Variants in KYNU observed in about 807,000 individuals in gnomAD.
The protein encoded by KYNU is kynureninase.
KYNU carries 54 observed loss-of-function variants against 59.2 expected under a neutral mutation model. The ratio of observed to expected loss-of-function variants is 0.91; its 90% CI spans 0.73 to 1.14. The LOEUF (loss-of-function observed/expected upper bound fraction) is 1.14, where lower values mean the gene tolerates loss of function less well. Ranked by LOEUF, KYNU falls within the 50% of genes most tolerant of loss-of-function variation. The pLI is 0.00. For missense variants in KYNU, 567 were observed against 554.4 expected, an observed-to-expected ratio of 1.02 and a Z score of -0.23; for synonymous variants, 177 against 192.0, an observed-to-expected ratio of 0.92 and a Z score of 0.65.
intron 10 of KYNU, among the ~76,000 whole-genome samples, chr2:142,995,973 C>G (rs944713905): frequency 2.0e-5 from 3 of 152,042 alleles, no homozygotes; most frequent in African/African-American, 7.2e-5. Context: ...TTTCTGAACT[C>G]AAATATCTGC....
chr2:142,901,047 C>A (rs1301113733), intron 2 of KYNU, among the ~76,000 whole-genome samples: 1 of 124,054 alleles, frequency 8.1e-6, no homozygotes, highest in Non-Finnish European at 1.7e-5. Context: ...AGCGAGACTC[C>A]ATCTCAAAAA....
At chr2:142,988,806 C>A in intron 10 of KYNU, 1 of 1,418,452 alleles carries the variant, frequency 7.0e-7, no homozygotes, top group African/African-American at 1.4e-5. Context: ...GCTCTCTATT[C>A]TGTACCAAGT....
chr2:142,946,767 G>C (rs926696821), intron 4 of KYNU, among the ~76,000 whole-genome samples: 5 of 152,132 alleles, frequency 3.3e-5, no homozygotes, highest in Non-Finnish European at 4.4e-5. Context: ...ATAAGATTCT[G>C]CCTGTCCCTT....
At chr2:142,961,626 AT>A (rs1181456882) in intron 8 of KYNU, among the ~76,000 whole-genome samples, 7 of 152,260 alleles carry the variant, frequency 4.6e-5, no homozygotes, top group South Asian at 2.1e-4. Flanking sequence ...ACTCTTGAAA[AT>A]TTTTTATACT....
chr2:142,953,897 A>G (rs1420523505), intron 4 of KYNU: 4 of 152,166 alleles, frequency 2.6e-5, no homozygotes, highest in African/African-American at 9.7e-5. Flanking sequence ...GAATCTGTCA[A>G]TTAGATTTAT....
intron 4 of KYNU, among the ~76,000 whole-genome samples, chr2:142,944,726 A>G (rs1274052119): frequency 6.6e-6 from 1 of 152,244 alleles, no homozygotes; most frequent in African/African-American, 2.4e-5. Context: ...TTAGGACAAT[A>G]TTGGTTTCAG....
intron 8 of KYNU, among the ~76,000 whole-genome samples, chr2:142,962,942 AAAG>A (rs1684397809): frequency 6.6e-6 from 1 of 152,186 alleles, no homozygotes; most frequent in African/African-American, 2.4e-5. Context: ...GTCAATCAAG[AAAG>A]AGATAGGAAA....
intron 4 of KYNU, 135 bp downstream of exon 4, chr2:142,927,876 G>T: frequency 1.6e-6 from 1 of 643,758 alleles, no homozygotes. Context: ...ATAGTAAAAA[G>T]GAAGTACACT....
At chr2:143,033,154 T>C in intron 11 of KYNU, 82 bp from the exon 12 acceptor site, 1 of 961,708 alleles carries the variant, frequency 1.0e-6, no homozygotes, top group South Asian at 1.3e-5. Flanking sequence ...AGTCTTGCTC[T>C]TTTACTCTCC....
At chr2:142,971,050 T>C (rs912887575) in intron 8 of KYNU, 2 of 152,186 alleles carry the variant, frequency 1.3e-5, no homozygotes, top group African/African-American at 4.8e-5. Flanking sequence ...ACATGGTGTA[T>C]TTTTAAAATG....
At chr2:142,954,729 G>A in intron 4 of KYNU, 81 bp from the exon 5 acceptor site, 1 of 875,988 alleles carries the variant, frequency 1.1e-6, no homozygotes, top group Non-Finnish European at 2.0e-6. Context: ...AAGAATGATT[G>A]AGTGAAGTCT....
At chr2:143,011,009 C>T (rs1032989120) in intron 10 of KYNU, among the ~76,000 whole-genome samples, 3 of 145,112 alleles carry the variant, frequency 2.1e-5, no homozygotes, top group African/African-American at 5.2e-5. Flanking sequence ...TGGGCAAGGA[C>T]TTCATGTGCA....
chr2:143,021,104 G>A lies in KYNU; in HGVS notation c.903-8523G>A, dbSNP rs185453103. ...TTTCTTTTCTGTAAAAGGTCTATTCGTATCCTTTGGCCATTTTTCTTAGAT... is the reference window on the plus strand; with the variant it reads ...TTTCTTTTCTGTAAAAGGTCTATTCATATCCTTTGGCCATTTTTCTTAGAT... On this transcript the variant is annotated intron_variant, in intron 10 of 13. Coordinates refer to ENST00000264170, the MANE Select transcript of KYNU (RefSeq NM_003937.3). 1.2e-3 allele frequency among the ~76,000 whole-genome samples: 184 copies of A among 151,894 alleles called. 1 individual carries two copies. Among genetic ancestry groups the A allele is most frequent in the Admixed American group, 1.7e-3 (26 of 15,268 alleles).
chr2:142,943,348 AAAG>A (rs947494386), intron 4 of KYNU, among the ~76,000 whole-genome samples: 1 of 152,222 alleles, frequency 6.6e-6, no homozygotes, highest in African/African-American at 2.4e-5. Flanking sequence ...AAAATTTTAA[AAAG>A]AAGTTACCAG....
chr2:142,881,909 C>CTTTTTTTTTTTTTTTTTTTTTTTTTTT (rs1222437103), intron 1 of KYNU, among the ~76,000 whole-genome samples: 1 of 124,668 alleles, frequency 8.0e-6, no homozygotes. Context: ...CTTTTCTTTT[C>CTTTTTTTTTTTTTTTTTTTTTTTTTTT]TTTTTTCTTT....
rs1258582643 is a variant in KYNU, at chr2:142,942,462, A to C, written c.374-12348A>C. On this transcript the variant is annotated intron_variant, in intron 4 of 13. Transcript: ENST00000264170. Reference sequence around the variant, plus strand: ...CCCTCTTTGGAAGTAAGTGTGGTTTAAATGATGAAATAATTAAAATAATTT... The same window carrying C: ...CCCTCTTTGGAAGTAAGTGTGGTTTCAATGATGAAATAATTAAAATAATTT... Among the ~76,000 whole-genome samples the C allele has an allele frequency of 3.3e-5, 5 of 152,342 alleles. No individual in the cohort carries two copies. The East Asian group carries it at 9.6e-4, about 29-fold the overall frequency.
chr2:143,014,961 A>G (rs916834941), intron 10 of KYNU, among the ~76,000 whole-genome samples: 2 of 152,184 alleles, frequency 1.3e-5, no homozygotes, highest in African/African-American at 4.8e-5. Context: ...TGGCGTGATC[A>G]TAGATCACTG....
At chr2:142,934,195 CT>C in intron 4 of KYNU, among the ~76,000 whole-genome samples, 1 of 152,112 alleles carries the variant, frequency 6.6e-6, no homozygotes, top group South Asian at 2.1e-4. Context: ...ATGCGAGTTG[CT>C]TGGGAGATGG....
chr2:142,883,295 C>G (rs1421277338), intron 1 of KYNU, among the ~76,000 whole-genome samples: 3 of 149,610 alleles, frequency 2.0e-5, no homozygotes, highest in Non-Finnish European at 4.4e-5. Flanking sequence ...CCGGGGTTCA[C>G]GCCATTCTCC....
Sources: allele counts gnomAD v4.1 joint callset (sites outside exome capture counted in the v4.1 genomes callset), GRCh38; gene constraint gnomAD v4.1.1; transcripts MANE v1.5; gene names NCBI Gene and HGNC (gene_info 2026-07-23, HGNC 2026-07-21).